SCN7A: variants seen among roughly 807,000 people sequenced by gnomAD.
The protein encoded by SCN7A is sodium channel protein type 7 subunit alpha.
A neutral mutation model predicts 155.2 loss-of-function variants in SCN7A; 138 were observed. The ratio of observed to expected loss-of-function variants is 0.89; its 90% CI spans 0.77 to 1.02. SCN7A has a LOEUF of 1.02. SCN7A is among the 50% of genes least tolerant of loss of function. The pLI, the probability that SCN7A is intolerant of heterozygous loss-of-function variation, is 0.00. For synonymous variants in SCN7A, 693 were observed against 649.0 expected, an observed-to-expected ratio of 1.07 and a Z score of -1.03; for missense variants, 2,058 against 1,986.6, an observed-to-expected ratio of 1.04 and a Z score of -0.68.
intron 15 of SCN7A, among the ~76,000 whole-genome samples, chr2:166,433,887 T>C (rs1036681128): frequency 6.6e-6 from 1 of 152,174 alleles, no homozygotes; most frequent in Non-Finnish European, 1.5e-5. Context: ...CTAACACTTG[T>C]AACTTATTTT....
intron 25 of SCN7A, among the ~76,000 whole-genome samples, 154 bp from the exon 26 acceptor site, chr2:166,406,800 G>T (rs1371051870): frequency 6.6e-6 from 1 of 151,852 alleles, no homozygotes; most frequent in Non-Finnish European, 1.5e-5. Context: ...TTAACAGTTA[G>T]CATGTTGAAA....
At chr2:166,414,599 G>C (rs1329503414) in intron 21 of SCN7A, 2 of 142,688 alleles carry the variant, frequency 1.4e-5, no homozygotes, top group African/African-American at 5.2e-5. Context: ...GAACCATTTG[G>C]GTACATGGGC....
At chr2:166,415,609 C>A (rs1042429352) in intron 21 of SCN7A, among the ~76,000 whole-genome samples, 1 of 152,086 alleles carries the variant, frequency 6.6e-6, no homozygotes, top group Non-Finnish European at 1.5e-5. Flanking sequence ...GGCAGAGGAA[C>A]ATAAATTGCG....
chr2:166,405,897 A>C lies in SCN7A; in HGVS notation c.4732T>G (p.Leu1578Val), dbSNP rs1176483641. 1 of 1,613,160 alleles carries C rather than the reference A, an allele frequency of 6.2e-7. No individual in the cohort carries two copies. Among genetic ancestry groups the C allele is most frequent in the South Asian group, 1.1e-5 (1 of 91,076 alleles). Reference sequence around the variant, plus strand: ...ATAACTCTCTTTGTAAAAGCAAGTAAGATATCGAGGCAATGAATTCTGTCC... The same window carrying C: ...ATAACTCTCTTTGTAAAAGCAAGTACGATATCGAGGCAATGAATTCTGTCC... ...VGDRIHCLDI[L>V]LAFTKRVMGQ... is the part of the protein sequence containing the mutation. The change falls in exon 26 of 26, where the codon TTA becomes GTA. Residue 1578 changes from leucine to valine, a missense_variant. Leu to Val is a conservative substitution (Grantham distance 32). Coordinates refer to ENST00000643258, the MANE Select transcript of SCN7A (RefSeq NM_002976.4).
In SCN7A at chr2:166,427,947, C is replaced by A; in HGVS notation, c.2699-5G>T. ...GTGAAGATCCGCGTCTGCAACCTGT[C>A]AAGATTGAATTGGTAAGAACAACAA... On this transcript the variant is annotated splice_polypyrimidine_tract_variant and splice_region_variant and intron_variant, in intron 17 of 25. Coordinates refer to ENST00000643258, the MANE Select transcript of SCN7A (RefSeq NM_002976.4). 6.2e-7 allele frequency: 1 copy of A among 1,612,082 alleles called. No homozygotes were observed. The highest frequency in any genetic ancestry group is 1.1e-5 in the South Asian group (1 of 90,912).
chr2:166,491,244 T>C (rs1031351809), intron 1 of SCN7A, among the ~76,000 whole-genome samples: 1 of 152,136 alleles, frequency 6.6e-6, no homozygotes, highest in African/African-American at 2.4e-5. Context: ...ATAATTTCCA[T>C]GAGTGGGGCC....
intron 14 of SCN7A, 27 bp downstream of exon 14, chr2:166,443,476 A>G (rs1702000699): frequency 2.6e-6 from 4 of 1,550,024 alleles, no homozygotes; most frequent in African/African-American, 1.4e-5. Flanking sequence ...TTGATCAAAT[A>G]AAAGTTAGGT....
intron 3 of SCN7A, among the ~76,000 whole-genome samples, chr2:166,474,614 CT>C (rs1702739566): frequency 6.6e-6 from 1 of 151,562 alleles, no homozygotes; most frequent in Non-Finnish European, 1.5e-5. Flanking sequence ...AAGCCAACCC[CT>C]GGTCTCCTTA....
At position 166,423,376 on chromosome 2, in the gene SCN7A, A is replaced by G. The variant is rs951285802; in HGVS notation, c.2910T>C (p.Tyr970=). The change falls in exon 19 of 26, where the codon TAT becomes TAC. Residue 970 remains tyrosine, a synonymous_variant. Transcript: ENST00000643258. The stretch of plus-strand genomic sequence containing the variant: ...AGATATAAGTAAAGATCATGTCAGC[A>G]TATTCTAATAAAATTTTAATTGTCT... ...QRKTIKILLE[Y]ADMIFTYIFI... 1.2e-6 allele frequency: 2 copies of G among 1,605,560 alleles called. No homozygotes were observed. The highest frequency in any genetic ancestry group is 1.3e-5 in the African/African-American group (1 of 74,306).
In SCN7A at chr2:166,416,895, C is replaced by T; in HGVS notation, c.3226G>A (p.Gly1076Arg). The change falls in exon 21 of 26, where the codon GGA becomes AGA. Residue 1076 changes from glycine to arginine, a missense_variant. Gly to Arg is a moderately radical substitution (Grantham distance 125). Coordinates refer to ENST00000643258, the MANE Select transcript of SCN7A (RefSeq NM_002976.4). ...LMIWLIFSIMGVDLFAGRFYE... is the reference protein window; with the variant it reads ...LMIWLIFSIMRVDLFAGRFYE... The stretch of plus-strand genomic sequence containing the variant: ...AATCTGCCAGCAAATAAGTCTACTC[C>T]CATGATACTAAAAATCAGCCAGATC... The T allele has an allele frequency of 1.9e-6, 3 of 1,613,158 alleles. No individual in the cohort carries two copies. Among genetic ancestry groups the T allele is most frequent in the Non-Finnish European group, 1.7e-6 (2 of 1,179,544 alleles).
At chr2:166,480,013 C>G (rs13019413) in intron 2 of SCN7A, among the ~76,000 whole-genome samples, 44,281 of 152,036 alleles carry the variant, frequency 0.29, 6,924 homozygotes, top group Non-Finnish European at 0.35. Context: ...TTTATAGATA[C>G]CATATGCACA....
At chr2:166,481,887 C>T (rs1449956543) in intron 2 of SCN7A, among the ~76,000 whole-genome samples, 1 of 152,094 alleles carries the variant, frequency 6.6e-6, no homozygotes, top group Non-Finnish European at 1.5e-5. Flanking sequence ...GAACTAGAAT[C>T]AATGAGGTGA....
intron 3 of SCN7A, among the ~76,000 whole-genome samples, chr2:166,477,083 A>T (rs1349015652): frequency 6.6e-6 from 1 of 152,040 alleles, no homozygotes; most frequent in East Asian, 1.9e-4. Context: ...CTAACTTCTG[A>T]GTAAGTTCAT....
At chr2:166,428,469 C>T (rs1046715692) in intron 17 of SCN7A, among the ~76,000 whole-genome samples, 2 of 151,878 alleles carry the variant, frequency 1.3e-5, no homozygotes, top group African/African-American at 4.8e-5. Context: ...GAGACTATTA[C>T]GGAAGTAACA....
intron 16 of SCN7A, among the ~76,000 whole-genome samples, 161 bp from the exon 17 acceptor site, chr2:166,429,435 C>T (rs536697063): frequency 2.0e-5 from 3 of 151,884 alleles, no homozygotes; most frequent in East Asian, 1.9e-4. Flanking sequence ...GATTAAAATG[C>T]GTACATATTG....
In SCN7A at chr2:166,405,904, G is replaced by C. The variant is rs757402063; in HGVS notation, c.4725C>G (p.Leu1575=). ...TCTTTGTAAAAGCAAGTAAGATATC[G>C]AGGCAATGAATTCTGTCCCCAACAG... The part of the protein sequence containing the change: ...PMAVGDRIHC[L]DILLAFTKRV... Residue 1575 remains leucine, a synonymous_variant, in exon 26 of 26, where the codon CTC becomes CTG. Coordinates refer to ENST00000643258, the MANE Select transcript of SCN7A (RefSeq NM_002976.4). 6.2e-7 allele frequency: 1 copy of C among 1,613,004 alleles called. No individual in the cohort carries two copies. Among genetic ancestry groups the C allele is most frequent in the Non-Finnish European group, 8.5e-7 (1 of 1,179,370 alleles).
intron 7 of SCN7A, among the ~76,000 whole-genome samples, chr2:166,466,800 C>A (rs1280539527): frequency 6.6e-6 from 1 of 151,852 alleles, no homozygotes; most frequent in Non-Finnish European, 1.5e-5. Context: ...GTTAACTATG[C>A]AAGTAGTCAA....
intron 15 of SCN7A, among the ~76,000 whole-genome samples, chr2:166,433,813 G>A (rs1701781739): frequency 6.6e-6 from 1 of 152,148 alleles, no homozygotes; most frequent in African/African-American, 2.4e-5. Flanking sequence ...AGGAAGGTTA[G>A]TTGATTATCT....
intron 12 of SCN7A, among the ~76,000 whole-genome samples, 160 bp from the exon 13 acceptor site, chr2:166,445,160 A>C (rs186887461): frequency 5.3e-5 from 8 of 152,224 alleles, no homozygotes; most frequent in African/African-American, 1.4e-4. Context: ...TACAAAAAAT[A>C]CAAAAAATAG....
Sources: gnomAD v4.1 joint callset for allele counts (sites outside exome capture counted in the v4.1 genomes callset) on GRCh38, gnomAD v4.1.1 for gene constraint, MANE v1.5 for transcripts, NCBI Gene and HGNC (gene_info 2026-07-23, HGNC 2026-07-21) for gene names.